The following PCDHGA6 variants were observed in gnomAD, a reference collection of about 807,000 sequenced individuals.
PCDHGA6 encodes the protein protocadherin gamma-A6.
In PCDHGA6, 41 loss-of-function variants were observed where a neutral mutation model predicts 60.6. The observed-to-expected ratio is 0.68, with a 90% CI of 0.53 to 0.88. The LOEUF is 0.88. Ranked by LOEUF, PCDHGA6 falls within the 40% of genes least tolerant of loss-of-function variation. The probability of loss-of-function intolerance (pLI) is 0.00; values close to 1 mark genes in which losing one functional copy is unlikely to be tolerated. For missense variants in PCDHGA6, 1,312 were observed against 1,203.0 expected (o/e 1.09, Z -1.34); for synonymous variants, 594 against 524.4 (o/e 1.13, Z -1.81).
chr5:141,407,970 C>T, intron 1 of PCDHGA6: 2 of 716,252 alleles, frequency 2.8e-6, no homozygotes, highest in Non-Finnish European at 4.3e-6. Context: ...CAAGCGCTGA[C>T]GCCGGGGATC....
rs374134053 is a variant in PCDHGA6, at chr5:141,389,297, A to T, written c.2424+12790A>T. ...ACCCGCCTGGAGCCTCTATTTCACA[A>T]GTCAGGGCTTCTGATCCGGACTTGG... On this transcript the variant is annotated intron_variant, in intron 1 of 3. Coordinates refer to ENST00000517434, the MANE Select transcript of PCDHGA6 (RefSeq NM_018919.3). 6.2e-6 allele frequency: 10 copies of T among 1,613,860 alleles called. No individual in the cohort carries two copies. In the African/African-American group the frequency reaches 1.3e-4, roughly 22 times the overall value.
intron 1 of PCDHGA6, chr5:141,421,731 C>G (rs73792198): frequency 6.2e-7 from 1 of 1,613,742 alleles, no homozygotes; most frequent in Non-Finnish European, 8.5e-7. Flanking sequence ...TGAACTCCCT[C>G]CAGAGCTACC....
intron 1 of PCDHGA6, among the ~76,000 whole-genome samples, chr5:141,451,284 G>C (rs950768919): frequency 2.6e-5 from 4 of 152,186 alleles, no homozygotes; most frequent in African/African-American, 9.7e-5. Flanking sequence ...GAGTGCCTCT[G>C]CCTCAAAGTC....
intron 3 of PCDHGA6, among the ~76,000 whole-genome samples, chr5:141,507,861 C>T (rs538942097): frequency 7.0e-4 from 106 of 152,306 alleles, no homozygotes; most frequent in African/African-American, 2.5e-3. Flanking sequence ...CTTTCACACC[C>T]GCTTCCTAGC....
chr5:141,415,408 G>T, intron 1 of PCDHGA6: 1 of 1,614,224 alleles, frequency 6.2e-7, no homozygotes, highest in Non-Finnish European at 8.5e-7. Context: ...CTCGCACTTT[G>T]TGGGCGTGGA....
rs2099605934 is a variant in PCDHGA6, at chr5:141,485,057, C to G, written c.2425-9750C>G. On this transcript the variant is annotated intron_variant, in intron 1 of 3. Transcript: ENST00000517434. The surrounding 1 kb of genome is among the most constrained non-coding windows in gnomAD (Gnocchi z 5.7). ...GTAACCCTTGCGGCGCCGGCCGAAC[C>G]GCGCCAGAGCTGGCGCGGGGAAAGG... The G allele has an allele frequency of 1.2e-6, 1 of 843,720 alleles. No homozygotes were observed. Among genetic ancestry groups the G allele is most frequent in the Non-Finnish European group, 1.9e-6 (1 of 524,586 alleles). 52.3% of individuals were successfully genotyped at this position (843,720 alleles called of 1,614,324 possible).
chr5:141,383,948 C>A, intron 1 of PCDHGA6: 1 of 1,613,600 alleles, frequency 6.2e-7, no homozygotes, highest in South Asian at 1.1e-5. Flanking sequence ...GTGACTATGA[C>A]GTCTTTAAGT....
At chr5:141,384,391 G>C (rs759810331) in intron 1 of PCDHGA6, 24 of 1,613,920 alleles carry the variant, frequency 1.5e-5, no homozygotes, top group Non-Finnish European at 2.0e-5. Flanking sequence ...CACCATCCAG[G>C]GGGCTCCAGT....
At chr5:141,418,499 G>A (rs775606988) in intron 1 of PCDHGA6, 1 of 1,613,962 alleles carries the variant, frequency 6.2e-7, no homozygotes, top group Non-Finnish European at 8.5e-7. Context: ...GGTACTGACC[G>A]CCTTAGATGG....
At chr5:141,381,826 C>CTTTTTTTTTT (rs770630741) in intron 1 of PCDHGA6, among the ~76,000 whole-genome samples, 29 of 74,274 alleles carry the variant, frequency 3.9e-4, no homozygotes, top group South Asian at 5.1e-4. Context: ...CTTTCTTCTT[C>CTTTTTTTTTT]TTTTTTTTTT....
chr5:141,376,012 G>A lies in PCDHGA6; in HGVS notation c.1929G>A (p.Val643=). 1 of 1,613,402 alleles carries A rather than the reference G, an allele frequency of 6.2e-7. No homozygotes were observed. The highest frequency in any genetic ancestry group is 8.5e-7 in the Non-Finnish European group (1 of 1,179,906). The change falls in exon 1 of 4, where the codon GTG becomes GTA. Residue 643 remains valine, a synonymous_variant. Coordinates refer to ENST00000517434, the MANE Select transcript of PCDHGA6 (RefSeq NM_018919.3). ...LDRDALKQSL[V]VAVQDHGQPP... ...GAGACGCGCTCAAGCAGAGCCTAGTGGTGGCCGTCCAGGACCACGGCCAGC... is the reference window on the plus strand; with the variant it reads ...GAGACGCGCTCAAGCAGAGCCTAGTAGTGGCCGTCCAGGACCACGGCCAGC...
chr5:141,417,862 G>C, intron 1 of PCDHGA6: 1 of 1,550,466 alleles, frequency 6.4e-7, no homozygotes, highest in Non-Finnish European at 8.7e-7. Flanking sequence ...AGCGAACGAT[G>C]GGAGGGAGCT....
chr5:141,437,938 A>G (rs1042890704), intron 1 of PCDHGA6, among the ~76,000 whole-genome samples: 4 of 152,132 alleles, frequency 2.6e-5, no homozygotes, highest in African/African-American at 9.7e-5. Flanking sequence ...GGGTTTCACC[A>G]TATTGGCCAG....
chr5:141,400,007 C>G (rs907315450), intron 1 of PCDHGA6: 2 of 1,612,506 alleles, frequency 1.2e-6, no homozygotes, highest in African/African-American at 1.3e-5. Flanking sequence ...ACAGCGCGTG[C>G]CTTGGGCGAC....
intron 1 of PCDHGA6, chr5:141,390,878 G>A (rs2092258677): frequency 6.5e-6 from 1 of 153,282 alleles, no homozygotes; most frequent in Non-Finnish European, 1.5e-5. Flanking sequence ...GTGTGTGTGT[G>A]TGTGTGTGTG....
At chr5:141,414,406 C>T (rs1315007586) in intron 1 of PCDHGA6, 6 of 1,613,764 alleles carry the variant, frequency 3.7e-6, no homozygotes, top group African/African-American at 2.7e-5. Flanking sequence ...ATTGGTGATA[C>T]ACAGAGCCCT....
intron 1 of PCDHGA6, chr5:141,420,085 C>T: frequency 1.2e-6 from 2 of 1,614,028 alleles, no homozygotes; most frequent in Middle Eastern, 1.6e-4. Context: ...GTCCCCCCAA[C>T]TACAGTGAGG....
chr5:141,420,050 C>A, intron 1 of PCDHGA6: 1 of 1,614,076 alleles, frequency 6.2e-7, no homozygotes. Context: ...TGAGTCAGTT[C>A]TCTGCTCCAA....
At chr5:141,441,827 A>G (rs1344314632) in intron 1 of PCDHGA6, 1 of 355,628 alleles carries the variant, frequency 2.8e-6, no homozygotes, top group Non-Finnish European at 5.6e-6. Flanking sequence ...CTGGAGCGCA[A>G]TGGCTTCGCG....
Sources: gnomAD v4.1 joint callset for allele counts (sites outside exome capture counted in the v4.1 genomes callset) on GRCh38, gnomAD v4.1.1 for gene constraint, Gnocchi (gnomAD v3.1) non-coding constraint, MANE v1.5 for transcripts, NCBI Gene and HGNC (gene_info 2026-07-23, HGNC 2026-07-21) for gene names.